ARHGAP40: variants seen among roughly 807,000 people sequenced by gnomAD.
The protein encoded by ARHGAP40 is Rho GTPase activating protein 40.
Under a neutral mutation model 73.5 loss-of-function variants are expected in ARHGAP40, and 43 were observed. The observed-to-expected ratio is 0.58, with a 90% confidence interval of 0.46 to 0.75. ARHGAP40 has a LOEUF of 0.75. Ranked by LOEUF, ARHGAP40 falls within the 30% of genes least tolerant of loss-of-function variation. The pLI, the probability that ARHGAP40 is intolerant of heterozygous loss-of-function variation, is 0.00. For synonymous variants in ARHGAP40, 300 were observed against 352.8 expected (o/e 0.85, Z 1.68); for missense variants, 734 against 861.8 (o/e 0.85, Z 1.86).
intron 7 of ARHGAP40, 133 bp downstream of exon 7, chr20:38,637,932 T>C (rs1333869661): frequency 8.3e-6 from 5 of 601,222 alleles, no homozygotes. Context: ...GTTCAAATTC[T>C]GGCTCTGGCA....
At chr20:38,609,029 C>T (rs967067702) in intron 1 of ARHGAP40, among the ~76,000 whole-genome samples, 1 of 152,196 alleles carries the variant, frequency 6.6e-6, no homozygotes, top group African/African-American at 2.4e-5. Flanking sequence ...ATTGGGCCCA[C>T]TCAGGCAACC....
At chr20:38,626,717 C>T (rs1371202026) in intron 2 of ARHGAP40, among the ~76,000 whole-genome samples, 1 of 152,094 alleles carries the variant, frequency 6.6e-6, no homozygotes, top group Non-Finnish European at 1.5e-5. Flanking sequence ...CATGCAGGGC[C>T]CTTCACCCAC....
At chr20:38,623,656 C>A in intron 2 of ARHGAP40, 98 bp downstream of exon 2, 1 of 1,021,162 alleles carries the variant, frequency 9.8e-7, no homozygotes, top group Non-Finnish European at 1.3e-6. Flanking sequence ...AACATGACAG[C>A]ATTTTCTCTG....
intron 1 of ARHGAP40, among the ~76,000 whole-genome samples, chr20:38,612,644 TG>T (rs1464707217): frequency 1.3e-5 from 2 of 150,454 alleles, no homozygotes; most frequent in African/African-American, 4.9e-5. Context: ...CACTCCAACC[TG>T]GGCGAAAGAG....
chr20:38,615,926 G>A (rs573836293), intron 1 of ARHGAP40, among the ~76,000 whole-genome samples: 2 of 152,296 alleles, frequency 1.3e-5, no homozygotes, highest in East Asian at 1.9e-4. Flanking sequence ...GGCTCTGCTG[G>A]GCAGCTCCAT....
chr20:38,632,296 T>C (rs1459930258), intron 5 of ARHGAP40, among the ~76,000 whole-genome samples: 1 of 150,604 alleles, frequency 6.6e-6, no homozygotes, highest in African/African-American at 2.5e-5. Context: ...GGAGTCTCGC[T>C]CTATTGCCCA....
intron 3 of ARHGAP40, among the ~76,000 whole-genome samples, chr20:38,627,616 TTGG>T (rs1295091152): frequency 6.0e-5 from 8 of 132,950 alleles, no homozygotes; most frequent in Admixed American, 3.6e-4. Context: ...TGTGTGTGTG[TTGG>T]TGTGTGTGTG....
rs1238587184 is a variant in ARHGAP40, at chr20:38,643,713, G to T, written c.1372G>T (p.Glu458Ter). ...CTGCACCCTTCCCTAGGCACTGCTGGAATTCCTCAGGAAGGTGGTGGCCCG... is the reference window on the plus strand; with the variant it reads ...CTGCACCCTTCCCTAGGCACTGCTGTAATTCCTCAGGAAGGTGGTGGCCCG... The change falls in exon 11 of 15, where the codon GAA (glutamate) becomes TAA (stop). Residue 458 changes from glutamate to a stop codon, truncating the protein, a stop_gained. Transcript: ENST00000373345. LOFTEE classifies it high-confidence loss of function. 1.4e-5 allele frequency: 18 copies of T among 1,305,640 alleles called. No individual in the cohort carries two copies. The highest frequency in any genetic ancestry group is 1.7e-5 in the Non-Finnish European group (17 of 989,036). The allele number at this position is 1,305,640 out of a possible 1,614,324, so 80.9% of individuals were successfully genotyped here.
In ARHGAP40 at chr20:38,646,366, A is replaced by G. The variant is rs1464342861; in HGVS notation, c.1710+179A>G. On this transcript the variant is annotated intron_variant, in intron 12 of 14. Transcript: ENST00000373345. This position sits in a 1 kb window ranked among gnomAD's most constrained non-coding sequence, Gnocchi z 4.5. The stretch of plus-strand genomic sequence containing the variant: ...AGCGAGGAGGCGTGGCTGCGAAACG[A>G]GGGCTTAGAAGCGGGTTGGGGAGGG... 1.3e-5 allele frequency among the ~76,000 whole-genome samples: 2 copies of G among 152,142 alleles called. No individual in the cohort carries two copies. The highest frequency in any genetic ancestry group is 2.9e-5 in the Non-Finnish European group (2 of 68,006).
chr20:38,611,782 G>C (rs1327194033), intron 1 of ARHGAP40, among the ~76,000 whole-genome samples: 1 of 151,564 alleles, frequency 6.6e-6, no homozygotes, highest in African/African-American at 2.4e-5. Flanking sequence ...CACTGTGTTA[G>C]CCAGGATGAT....
intron 1 of ARHGAP40, among the ~76,000 whole-genome samples, chr20:38,604,469 C>T (rs1036194695): frequency 2.0e-5 from 3 of 150,216 alleles, no homozygotes; most frequent in African/African-American, 7.4e-5. Context: ...GATCTCGGCT[C>T]ACTGCAACCT....
At chr20:38,641,338 C>T (rs984173241) in intron 9 of ARHGAP40, among the ~76,000 whole-genome samples, 3 of 152,150 alleles carry the variant, frequency 2.0e-5, no homozygotes, top group Non-Finnish European at 2.9e-5. Context: ...TCAACCCTCA[C>T]AACACAGAGG....
intron 1 of ARHGAP40, 148 bp from the exon 2 acceptor site, chr20:38,623,211 T>C: frequency 2.0e-6 from 1 of 504,652 alleles, no homozygotes; most frequent in Non-Finnish European, 3.1e-6. Context: ...CCAGTCAATT[T>C]GCTGAGATCA....
intron 2 of ARHGAP40, among the ~76,000 whole-genome samples, chr20:38,626,181 C>A (rs1164582085): frequency 6.6e-6 from 1 of 152,180 alleles, no homozygotes; most frequent in African/African-American, 2.4e-5. Flanking sequence ...GCCATAAAAG[C>A]AGTTTTGTTT....
At chr20:38,635,282 A>G (rs903400810) in intron 6 of ARHGAP40, among the ~76,000 whole-genome samples, 1 of 152,224 alleles carries the variant, frequency 6.6e-6, no homozygotes, top group Admixed American at 6.5e-5. Context: ...GTAAAATACA[A>G]AAAGGAAAAA....
intron 3 of ARHGAP40, among the ~76,000 whole-genome samples, chr20:38,628,471 A>AT (rs888866965): frequency 7.9e-5 from 12 of 151,802 alleles, no homozygotes; most frequent in Non-Finnish European, 1.6e-4. Context: ...TGCCCGGCTA[A>AT]TTTTTTGTAT....
chr20:38,636,171 G>T lies in ARHGAP40; in HGVS notation c.949+1386G>T, dbSNP rs1291682165. ...GATTTGCAAATTCACATGGCAGAGG[G>T]TGTGGATACAAAGAGGGGTAATGAA... is the stretch of plus-strand genomic sequence containing the variant. On this transcript the variant is annotated intron_variant, in intron 6 of 14. Transcript: ENST00000373345. Among the ~76,000 whole-genome samples, 4 of 152,282 alleles carry T rather than the reference G, an allele frequency of 2.6e-5. No homozygotes were observed. In the South Asian group the frequency reaches 8.3e-4, roughly 32 times the overall value.
intron 9 of ARHGAP40, 90 bp from the exon 10 acceptor site, chr20:38,641,636 C>T: frequency 2.0e-6 from 2 of 978,740 alleles, no homozygotes; most frequent in Middle Eastern, 2.5e-4. Context: ...CCCTGGCTTT[C>T]CAGCTCTGGA....
At chr20:38,632,489 C>T (rs1601144588) in intron 5 of ARHGAP40, among the ~76,000 whole-genome samples, 2 of 151,862 alleles carry the variant, frequency 1.3e-5, no homozygotes. Context: ...TCTCAATCTC[C>T]TGACTTCGTG....
Sources: allele counts gnomAD v4.1 joint callset (sites outside exome capture counted in the v4.1 genomes callset), GRCh38; gene constraint gnomAD v4.1.1; non-coding constraint Gnocchi (gnomAD v3.1); transcripts MANE v1.5; gene names NCBI Gene and HGNC (gene_info 2026-07-23, HGNC 2026-07-21).